Variants in MNAT1 observed in about 807,000 individuals in gnomAD.
MNAT1 encodes MNAT1 component of CDK activating kinase.
In MNAT1, 43 loss-of-function variants were observed where a neutral mutation model predicts 42.0. The observed-to-expected ratio is 1.02, with a 90% CI of 0.80 to 1.32. The LOEUF (loss-of-function observed/expected upper bound fraction) is 1.32, where lower values mean the gene tolerates loss of function less well. Ranked by LOEUF, MNAT1 falls within the 40% of genes most tolerant of loss-of-function variation. The probability of loss-of-function intolerance (pLI) is 0.00; values close to 1 mark genes in which losing one functional copy is unlikely to be tolerated. For synonymous variants in MNAT1, 118 were observed against 120.0 expected (o/e 0.98, Z 0.11); for missense variants, 306 against 350.4 (o/e 0.87, Z 1.01).
chr14:60,903,450 C>G (rs929898658), intron 7 of MNAT1, among the ~76,000 whole-genome samples: 6 of 152,178 alleles, frequency 3.9e-5, no homozygotes, highest in African/African-American at 1.2e-4. Context: ...TTGAGGCAAT[C>G]TATAATACTT....
At chr14:60,854,633 G>T (rs898386627) in intron 6 of MNAT1, among the ~76,000 whole-genome samples, 1 of 152,150 alleles carries the variant, frequency 6.6e-6, no homozygotes, top group Non-Finnish European at 1.5e-5. Flanking sequence ...AGTGAAGCCC[G>T]CAGAATAGCA....
intron 6 of MNAT1, among the ~76,000 whole-genome samples, chr14:60,828,772 G>C (rs561927447): frequency 6.6e-6 from 1 of 152,106 alleles, no homozygotes; most frequent in Non-Finnish European, 1.5e-5. Flanking sequence ...AGGTTCCCAC[G>C]ATCCCTTCCT....
intron 6 of MNAT1, among the ~76,000 whole-genome samples, chr14:60,820,446 TCTTC>T (rs779541048): frequency 6.9e-4 from 105 of 152,118 alleles, no homozygotes; most frequent in Non-Finnish European, 1.1e-3. Flanking sequence ...TTTCTAGTTC[TCTTC>T]CTTTTATAGT....
chr14:60,859,103 G>A (rs2034034991), intron 6 of MNAT1, among the ~76,000 whole-genome samples: 1 of 152,172 alleles, frequency 6.6e-6, no homozygotes, highest in Admixed American at 6.5e-5. Flanking sequence ...TTATTACTGT[G>A]TTTGTGTGCA....
chr14:60,847,403 C>CA (rs77882001), intron 6 of MNAT1, among the ~76,000 whole-genome samples: 1,662 of 54,262 alleles, frequency 0.031, 25 homozygotes, highest in African/African-American at 0.067. Flanking sequence ...GACAACGTCT[C>CA]AAAAAAAAAA....
At chr14:60,899,109 G>C (rs1014125152) in intron 7 of MNAT1, among the ~76,000 whole-genome samples, 1 of 152,088 alleles carries the variant, frequency 6.6e-6, no homozygotes, top group African/African-American at 2.4e-5. Context: ...ATGTTCCACT[G>C]ATCTTGTAGA....
At chr14:60,867,264 C>A (rs1276744878) in intron 6 of MNAT1, among the ~76,000 whole-genome samples, 1 of 152,042 alleles carries the variant, frequency 6.6e-6, no homozygotes, top group Admixed American at 6.6e-5. Context: ...AAATATGGTG[C>A]TGTGTCTGCA....
chr14:60,811,122 T>G (rs1433635178), intron 4 of MNAT1, among the ~76,000 whole-genome samples: 2 of 152,188 alleles, frequency 1.3e-5, no homozygotes, highest in East Asian at 1.9e-4. Flanking sequence ...TTAAAGTCTA[T>G]TTTGTCTCTT....
chr14:60,799,590 G>T (rs1404503515), intron 3 of MNAT1, among the ~76,000 whole-genome samples: 1 of 151,942 alleles, frequency 6.6e-6, no homozygotes, highest in Non-Finnish European at 1.5e-5. Context: ...AGGCAGTCAG[G>T]ATAACTAAAA....
intron 7 of MNAT1, among the ~76,000 whole-genome samples, chr14:60,882,383 C>A (rs1311457335): frequency 6.6e-6 from 1 of 152,126 alleles, no homozygotes; most frequent in African/African-American, 2.4e-5. Context: ...ACCACCAGTT[C>A]CATGTATGTT....
Position 60,968,688 on chromosome 14 carries a change from G to T in MNAT1, c.*339G>T. The T allele has an allele frequency of 3.0e-5, 12 of 406,324 alleles. No individual in the cohort carries two copies. The highest frequency in any genetic ancestry group is 9.9e-5 in the South Asian group (4 of 40,586). The allele number at this position is 406,324 out of a possible 1,614,324, so 25.2% of individuals were successfully genotyped here. On this transcript the variant is annotated 3_prime_UTR_variant, in exon 8 of 8. Coordinates refer to ENST00000261245, the MANE Select transcript of MNAT1 (RefSeq NM_002431.4). Reference sequence around the variant, plus strand: ...AGCTATAATTTATATTAAGTTCTGTGGTTTTTCTCTTATTACAGTGTTTTA... The same window carrying T: ...AGCTATAATTTATATTAAGTTCTGTTGTTTTTCTCTTATTACAGTGTTTTA...
chr14:60,757,237 T>A (rs1331574901), intron 1 of MNAT1, among the ~76,000 whole-genome samples: 1 of 152,216 alleles, frequency 6.6e-6, no homozygotes. Context: ...TGGAAATACA[T>A]ACTGATCTGA....
chr14:60,965,395 T>C (rs1332434061), intron 7 of MNAT1, among the ~76,000 whole-genome samples: 3 of 152,236 alleles, frequency 2.0e-5, no homozygotes, highest in African/African-American at 7.2e-5. Flanking sequence ...CTGTTTTATA[T>C]ACTCTTTATG....
At chr14:60,824,529 C>T (rs752487803) in intron 6 of MNAT1, among the ~76,000 whole-genome samples, 14 of 152,000 alleles carry the variant, frequency 9.2e-5, no homozygotes, top group Non-Finnish European at 1.9e-4. Flanking sequence ...TAAGGAACTA[C>T]CAAAGTATTT....
chr14:60,859,000 A>G (rs1262001195), intron 6 of MNAT1, among the ~76,000 whole-genome samples: 1 of 152,256 alleles, frequency 6.6e-6, no homozygotes, highest in Non-Finnish European at 1.5e-5. Context: ...AAGTATGCCC[A>G]TATCTGCCTT....
chr14:60,910,126 G>T (rs985509474), intron 7 of MNAT1, among the ~76,000 whole-genome samples: 1 of 152,154 alleles, frequency 6.6e-6, no homozygotes, highest in Admixed American at 6.5e-5. Flanking sequence ...CTCTCTGTTT[G>T]TCTGTGACTG....
At position 60,968,557 on chromosome 14, in the gene MNAT1, AG is replaced by A; in HGVS notation, c.*209del. On this transcript the variant is annotated 3_prime_UTR_variant, in exon 8 of 8. Transcript: ENST00000261245. Reference sequence around the variant, plus strand: ...AAAATAATTTTTACTTATATTTTTCAGAGGATTTGACACGATAAGCCTCATC... The same window carrying A: ...AAAATAATTTTTACTTATATTTTTCAAGGATTTGACACGATAAGCCTCATC... 1 of 1,343,468 alleles carries A rather than the reference AG, an allele frequency of 7.4e-7. No homozygotes were observed. Among genetic ancestry groups the A allele is most frequent in the Non-Finnish European group, 9.9e-7 (1 of 1,007,480 alleles). The allele number at this position is 1,343,468 out of a possible 1,614,324, so 83.2% of individuals were successfully genotyped here.
chr14:60,757,382 A>C (rs1555372553), intron 1 of MNAT1, among the ~76,000 whole-genome samples: 2 of 150,778 alleles, frequency 1.3e-5, no homozygotes, highest in Non-Finnish European at 1.5e-5. Flanking sequence ...ATTTTAGTGC[A>C]TTTTTTTTTA....
intron 1 of MNAT1, among the ~76,000 whole-genome samples, chr14:60,781,396 G>T (rs894307008): frequency 1.3e-5 from 2 of 152,036 alleles, no homozygotes; most frequent in Non-Finnish European, 2.9e-5. Flanking sequence ...TTTTATGTAT[G>T]ATGAAAAAAT....
Sources: allele counts gnomAD v4.1 joint callset (sites outside exome capture counted in the v4.1 genomes callset), GRCh38; gene constraint gnomAD v4.1.1; transcripts MANE v1.5; gene names NCBI Gene and HGNC (gene_info 2026-07-23, HGNC 2026-07-21).